Variants in EPB41L4A observed in about 807,000 individuals in gnomAD.
EPB41L4A encodes band 4.1-like protein 4A.
In EPB41L4A, 100 loss-of-function variants were observed where a neutral mutation model predicts 108.6. The ratio of observed to expected loss-of-function variants is 0.92; its 90% confidence interval spans 0.78 to 1.09. The LOEUF is 1.09. Among genes scored for constraint, EPB41L4A ranks in the 50% least tolerant of loss-of-function variants. The probability of loss-of-function intolerance (pLI) is 0.00; values close to 1 mark genes in which losing one functional copy is unlikely to be tolerated. For missense variants in EPB41L4A, 1,030 were observed against 842.7 expected (o/e 1.22, Z -2.75); for synonymous variants, 319 against 289.0 (o/e 1.10, Z -1.05).
chr5:112,275,514 C>T (rs1752569394), intron 3 of EPB41L4A, 110 bp from the exon 4 acceptor site: 3 of 1,266,760 alleles, frequency 2.4e-6, no homozygotes, highest in East Asian at 2.8e-5. Context: ...TCTAAAGAAA[C>T]AAGAAAACAT....
chr5:112,223,761 C>CAGAA (rs1324357834), intron 12 of EPB41L4A, among the ~76,000 whole-genome samples: 3 of 152,156 alleles, frequency 2.0e-5, no homozygotes, highest in African/African-American at 7.2e-5. Flanking sequence ...TATGCAAAAA[C>CAGAA]TTTCTAAGAA....
At chr5:112,186,857 C>T (rs1249518948) in intron 17 of EPB41L4A, among the ~76,000 whole-genome samples, 1 of 152,172 alleles carries the variant, frequency 6.6e-6, no homozygotes, top group Non-Finnish European at 1.5e-5. Flanking sequence ...GCCCTAGAAG[C>T]AAGAATATTG....
intron 12 of EPB41L4A, among the ~76,000 whole-genome samples, chr5:112,232,833 C>G (rs925843169): frequency 3.9e-5 from 6 of 152,198 alleles, no homozygotes; most frequent in African/African-American, 1.4e-4. Flanking sequence ...GGTATGTACT[C>G]TTTCCCTTGC....
In EPB41L4A at chr5:112,164,856, A is replaced by T; in HGVS notation, c.*134T>A. 9.8e-7 allele frequency: 1 copy of T among 1,025,480 alleles called. No individual in the cohort carries two copies. The allele number at this position is 1,025,480 out of a possible 1,614,324, so 63.5% of individuals were successfully genotyped here. On this transcript the variant is annotated 3_prime_UTR_variant, in exon 23 of 23. Transcript: ENST00000261486. Reference sequence around the variant, plus strand: ...CAAAAAAAAAAAAAAAAAGAAGCAAAAGATAATGTATTTTCTCATGCTGAA... The same window carrying T: ...CAAAAAAAAAAAAAAAAAGAAGCAATAGATAATGTATTTTCTCATGCTGAA...
At chr5:112,363,676 T>C (rs1008113857) in intron 1 of EPB41L4A, 2 of 152,296 alleles carry the variant, frequency 1.3e-5, no homozygotes, top group African/African-American at 4.8e-5. Flanking sequence ...CCTCACCAGT[T>C]CCAGCTTCAT....
At chr5:112,189,439 A>C (rs1029123962) in intron 17 of EPB41L4A, among the ~76,000 whole-genome samples, 1 of 152,240 alleles carries the variant, frequency 6.6e-6, no homozygotes, top group African/African-American at 2.4e-5. Flanking sequence ...AAGTGGGTTC[A>C]ATTTCATAGT....
chr5:112,326,075 A>T (rs1005203116), intron 1 of EPB41L4A, among the ~76,000 whole-genome samples: 6 of 152,164 alleles, frequency 3.9e-5, no homozygotes, highest in African/African-American at 1.4e-4. Flanking sequence ...GCTTGAATCC[A>T]GGAGTTCAAG....
rs904686967 is a variant in EPB41L4A, at chr5:112,417,140, A to G, written c.99+1801T>C. ...ACATAGTTGCTGTTGCCTTTGAATC[A>G]CTCACCAATTTTCAGCCCATTTGTA... On this transcript the variant is annotated intron_variant, in intron 1 of 22. Transcript: ENST00000261486. Among the ~76,000 whole-genome samples, 20 of 152,224 alleles carry G rather than the reference A, an allele frequency of 1.3e-4. 1 individual carries two copies. Among genetic ancestry groups the G allele is most frequent in the Non-Finnish European group, 1.9e-4 (13 of 68,034 alleles).
At chr5:112,352,676 CTTATTA>C (rs1758121010) in intron 1 of EPB41L4A, among the ~76,000 whole-genome samples, 4 of 152,078 alleles carry the variant, frequency 2.6e-5, no homozygotes, top group Non-Finnish European at 4.4e-5. Context: ...TTCTTCCTTT[CTTATTA>C]TTATCACAGT....
chr5:112,314,999 T>C (rs1021457160), intron 1 of EPB41L4A, among the ~76,000 whole-genome samples: 2 of 152,124 alleles, frequency 1.3e-5, no homozygotes, highest in Non-Finnish European at 2.9e-5. Flanking sequence ...TAATGAGACA[T>C]TTGAGAGAAT....
chr5:112,383,776 A>G (rs1204244384), intron 1 of EPB41L4A, among the ~76,000 whole-genome samples: 1 of 152,220 alleles, frequency 6.6e-6, no homozygotes, highest in African/African-American at 2.4e-5. Flanking sequence ...CCAATATATA[A>G]GACCTTAAAA....
intron 3 of EPB41L4A, 69 bp from the exon 4 acceptor site, chr5:112,275,473 T>C: frequency 5.0e-6 from 7 of 1,394,096 alleles, no homozygotes; most frequent in African/African-American, 1.5e-5. Context: ...TATAATATTA[T>C]ACAGCTATTT....
At position 112,169,101 on chromosome 5, in the gene EPB41L4A, G is replaced by T; in HGVS notation, c.1744C>A (p.Gln582Lys). 1 of 1,612,254 alleles carries T rather than the reference G, an allele frequency of 6.2e-7. No individual in the cohort carries two copies. Among genetic ancestry groups the T allele is most frequent in the Non-Finnish European group, 8.5e-7 (1 of 1,178,298 alleles). Residue 582 changes from glutamine (Q) to lysine (K), a missense_variant, in exon 21 of 23, where the codon CAA becomes AAA. Coordinates refer to ENST00000261486, the MANE Select transcript of EPB41L4A (RefSeq NM_022140.5). The part of the protein sequence containing the change: ...KEIPYTKIET[Q>K]GDPIRIRHSH... ...TGCCTGATGCGGATTGGGTCACCTT[G>T]TGTCCTGAACAAGCAACCAAGAAAC...
At chr5:112,294,333 G>A (rs1524425) in intron 2 of EPB41L4A, among the ~76,000 whole-genome samples, 30,811 of 152,132 alleles carry the variant, frequency 0.2, 4,241 homozygotes, top group African/African-American at 0.39. Flanking sequence ...TCGCCTCCCA[G>A]TGAGCGGCCC....
At chr5:112,168,213 C>G (rs912729703) in intron 22 of EPB41L4A, among the ~76,000 whole-genome samples, 1 of 152,216 alleles carries the variant, frequency 6.6e-6, no homozygotes, top group Non-Finnish European at 1.5e-5. Context: ...TTATCAAATT[C>G]AGCTAAGTGT....
At chr5:112,254,842 T>A (rs188883377) in intron 9 of EPB41L4A, among the ~76,000 whole-genome samples, 73 of 152,104 alleles carry the variant, frequency 4.8e-4, no homozygotes, top group Non-Finnish European at 7.2e-4. Flanking sequence ...CTTTGTGCCC[T>A]CCGGAATTCA....
intron 2 of EPB41L4A, among the ~76,000 whole-genome samples, chr5:112,297,428 T>C (rs537736323): frequency 6.6e-6 from 1 of 152,336 alleles, no homozygotes; most frequent in African/African-American, 2.4e-5. Flanking sequence ...TGTTACCATT[T>C]GTATATCTTC....
At chr5:112,212,775 C>T (rs1292975244) in intron 12 of EPB41L4A, among the ~76,000 whole-genome samples, 1 of 152,044 alleles carries the variant, frequency 6.6e-6, no homozygotes, top group Non-Finnish European at 1.5e-5. Context: ...ATAACACCAA[C>T]TGAAAAAAGC....
Position 112,198,454 on chromosome 5 carries a change from T to C in EPB41L4A, c.1377-2746A>G, listed in dbSNP as rs192299480. 1.1e-4 allele frequency among the ~76,000 whole-genome samples: 16 copies of C among 152,366 alleles called. No individual in the cohort carries two copies. The East Asian group carries it at 2.9e-3, about 28-fold the overall frequency. Reference sequence around the variant, plus strand: ...TCTATAATGTTTTGAAATTTAGTTATAATGAACCTTCGAATGAATCTAACT... The same window carrying C: ...TCTATAATGTTTTGAAATTTAGTTACAATGAACCTTCGAATGAATCTAACT... On this transcript the variant is annotated intron_variant, in intron 15 of 22. Coordinates refer to ENST00000261486, the MANE Select transcript of EPB41L4A (RefSeq NM_022140.5).
Sources: gnomAD v4.1 joint callset for allele counts (sites outside exome capture counted in the v4.1 genomes callset) on GRCh38, gnomAD v4.1.1 for gene constraint, MANE v1.5 for transcripts, NCBI Gene and HGNC (gene_info 2026-07-23, HGNC 2026-07-21) for gene names.